The following NPAS3 variants were observed in gnomAD, a reference collection of about 807,000 sequenced individuals.
NPAS3 encodes neuronal PAS domain-containing protein 3.
In NPAS3, 14 loss-of-function variants were observed where a neutral mutation model predicts 73.1. The ratio of observed to expected loss-of-function variants is 0.19; its 90% CI spans 0.13 to 0.30. The LOEUF (loss-of-function observed/expected upper bound fraction) is 0.30. NPAS3 is among the 10% of genes least tolerant of loss of function. NPAS3 has a pLI of 1.00. For synonymous variants in NPAS3, 620 were observed against 541.5 expected (o/e 1.14, Z -2.01); for missense variants, 1,096 against 1,250.0 (o/e 0.88, Z 1.86).
chr14:33,104,976 G>A (rs1034533408), intron 2 of NPAS3, among the ~76,000 whole-genome samples: 4 of 152,158 alleles, frequency 2.6e-5, no homozygotes, highest in African/African-American at 9.7e-5. Flanking sequence ...TGATGTGTAA[G>A]GAAGGTTTTA....
At chr14:33,085,633 T>C (rs1399087190) in intron 2 of NPAS3, among the ~76,000 whole-genome samples, 1 of 152,168 alleles carries the variant, frequency 6.6e-6, no homozygotes, top group Admixed American at 6.5e-5. Context: ...TTTTTTTTTC[T>C]AGCAGATTTG....
intron 5 of NPAS3, among the ~76,000 whole-genome samples, chr14:33,667,777 C>T (rs562341257): frequency 6.6e-6 from 1 of 152,162 alleles, no homozygotes; most frequent in Non-Finnish European, 1.5e-5. Context: ...AGTGGTTAAT[C>T]ATGGCGTGAA....
intron 3 of NPAS3, among the ~76,000 whole-genome samples, chr14:33,259,910 C>G (rs1458526725): frequency 6.7e-6 from 1 of 149,880 alleles, no homozygotes; most frequent in East Asian, 2.0e-4. Context: ...AGATATGAAT[C>G]TGATTGACTC....
chr14:33,244,684 CT>C (rs1296547448), intron 3 of NPAS3, among the ~76,000 whole-genome samples: 2 of 152,032 alleles, frequency 1.3e-5, no homozygotes, highest in African/African-American at 4.8e-5. Context: ...TATTATAATA[CT>C]CTTTTGACCG....
At chr14:33,668,652 C>T (rs1337644680) in intron 5 of NPAS3, among the ~76,000 whole-genome samples, 1 of 152,112 alleles carries the variant, frequency 6.6e-6, no homozygotes, top group Non-Finnish European at 1.5e-5. Context: ...CCCGTCTCTA[C>T]TAAAAATACA....
chr14:32,983,199 C>T (rs1377454089), intron 1 of NPAS3, among the ~76,000 whole-genome samples: 4 of 152,184 alleles, frequency 2.6e-5, no homozygotes, highest in Middle Eastern at 3.4e-3. Context: ...TTAAAAAAAT[C>T]TTCAAGTTCT....
chr14:33,669,873 C>T (rs951172319), intron 5 of NPAS3, among the ~76,000 whole-genome samples: 2 of 152,116 alleles, frequency 1.3e-5, no homozygotes, highest in Non-Finnish European at 2.9e-5. Context: ...TATGCAGTAT[C>T]TCTTGTTTTT....
chr14:33,336,497 C>T (rs1287286641), intron 3 of NPAS3, among the ~76,000 whole-genome samples: 1 of 152,204 alleles, frequency 6.6e-6, no homozygotes, highest in Non-Finnish European at 1.5e-5. Flanking sequence ...AGGAAGTTCA[C>T]CACCTGGTTG....
chr14:33,704,458 A>G (rs2060605375), intron 6 of NPAS3, among the ~76,000 whole-genome samples: 1 of 152,228 alleles, frequency 6.6e-6, no homozygotes, highest in Admixed American at 6.5e-5. Context: ...TCCTTATTGC[A>G]TTACAATTGA....
intron 7 of NPAS3, among the ~76,000 whole-genome samples, chr14:33,741,466 C>G (rs2061654054): frequency 6.6e-6 from 1 of 152,114 alleles, no homozygotes; most frequent in South Asian, 2.1e-4. Context: ...ATGAAAAATG[C>G]AAATAGAGGA....
chr14:33,157,297 C>G (rs1301032510), intron 2 of NPAS3, among the ~76,000 whole-genome samples: 2 of 152,190 alleles, frequency 1.3e-5, no homozygotes, highest in Admixed American at 1.3e-4. Context: ...ACACAGAACT[C>G]TTCTTTATCA....
intron 4 of NPAS3, among the ~76,000 whole-genome samples, chr14:33,445,303 T>C (rs768224916): frequency 6.6e-6 from 1 of 152,246 alleles, no homozygotes; most frequent in Non-Finnish European, 1.5e-5. Context: ...TATTACTATA[T>C]GTACTTCAAA....
intron 1 of NPAS3, among the ~76,000 whole-genome samples, chr14:32,967,449 C>A (rs1406934706): frequency 4.6e-5 from 7 of 152,078 alleles, no homozygotes; most frequent in African/African-American, 1.7e-4. Context: ...GTGCCCCCAA[C>A]CCCAGCATTG....
intron 2 of NPAS3, among the ~76,000 whole-genome samples, chr14:33,188,827 A>G (rs1158113084): frequency 6.6e-6 from 1 of 152,206 alleles, no homozygotes. Flanking sequence ...GGTTATGATA[A>G]AAACAGTCAT....
In NPAS3 at chr14:33,676,396, C is replaced by CAAACCCA; in HGVS notation, c.733+12_733+18dup. 1 of 1,549,580 alleles carries CAAACCCA rather than the reference C, an allele frequency of 6.5e-7. No homozygotes were observed. The highest frequency in any genetic ancestry group is 8.7e-7 in the Non-Finnish European group (1 of 1,154,190). On this transcript the variant is annotated intron_variant, in intron 6 of 11. Transcript: ENST00000356141. ...AGACCCCCGAGCCAGGTGGGAATTG[C>CAAACCCA]AAACCCAGTGTGTGGGTTGGTGGGC...
chr14:33,187,109 G>C (rs1336193392), intron 2 of NPAS3, among the ~76,000 whole-genome samples: 2 of 152,120 alleles, frequency 1.3e-5, no homozygotes, highest in Non-Finnish European at 2.9e-5. Flanking sequence ...CTTAAACAAT[G>C]CAAATCCACC....
At chr14:33,465,568 TA>T (rs1187074226) in intron 4 of NPAS3, among the ~76,000 whole-genome samples, 1 of 152,214 alleles carries the variant, frequency 6.6e-6, no homozygotes, top group African/African-American at 2.4e-5. Context: ...AATTCTCACG[TA>T]AAAATCTATT....
intron 2 of NPAS3, among the ~76,000 whole-genome samples, chr14:33,178,284 A>T (rs1226614305): frequency 6.6e-6 from 1 of 152,030 alleles, no homozygotes; most frequent in Non-Finnish European, 1.5e-5. Context: ...CATGTTGGCC[A>T]GGATGGTCTC....
chr14:33,701,573 A>G (rs1311708940), intron 6 of NPAS3, among the ~76,000 whole-genome samples: 1 of 152,134 alleles, frequency 6.6e-6, no homozygotes, highest in East Asian at 1.9e-4. Flanking sequence ...AATGTCACTA[A>G]TTTGTTTTAA....
Sources: gnomAD v4.1 joint callset for allele counts (sites outside exome capture counted in the v4.1 genomes callset) on GRCh38, gnomAD v4.1.1 for gene constraint, MANE v1.5 for transcripts, NCBI Gene and HGNC (gene_info 2026-07-23, HGNC 2026-07-21) for gene names.